PTCH1: variants seen among roughly 807,000 people sequenced by gnomAD.
PTCH1 encodes protein patched homolog 1.
Under a neutral mutation model 144.6 loss-of-function variants are expected in PTCH1, and 14 were observed. The observed-to-expected ratio is 0.10, with a 90% CI of 0.06 to 0.15. The LOEUF (loss-of-function observed/expected upper bound fraction) is 0.15, where lower values mean the gene tolerates loss of function less well. Ranked by LOEUF, PTCH1 falls within the 10% of genes least tolerant of loss-of-function variation. PTCH1 has a pLI of 1.00. For missense variants in PTCH1, 1,623 were observed against 1,948.3 expected (o/e 0.83, Z 3.14); for synonymous variants, 833 against 793.6 (o/e 1.05, Z -0.83).
At position 95,476,049 on chromosome 9, in the gene PTCH1, C is replaced by T. The variant is rs762575636; in HGVS notation, c.1713G>A (p.Arg571=). The change falls in exon 12 of 24, where the codon CGG becomes CGA. Residue 571 remains arginine, a synonymous_variant. Transcript: ENST00000331920. This position sits in a 1 kb window ranked among gnomAD's most constrained non-coding sequence, Gnocchi z 4.6. ...AGAAGCTCACCTGGAGGGAGAACGC[C>T]CGCAGAGCGGGAATTGGGATTAACG... ...MAALIPIPAL[R]AFSLQAAVVV... 2 of 1,613,840 alleles carry T rather than the reference C, an allele frequency of 1.2e-6. No individual in the cohort carries two copies. Among genetic ancestry groups the T allele is most frequent in the Admixed American group, 3.3e-5 (2 of 60,000 alleles).
chr9:95,456,191 T>C (rs1838906120), intron 19 of PTCH1, 85 bp downstream of exon 19: 2 of 1,462,290 alleles, frequency 1.4e-6, no homozygotes, highest in South Asian at 1.2e-5. Context: ...ACAGGGAGAA[T>C]GCAAGGTTCC....
chr9:95,451,197 A>G (rs1838430479), intron 20 of PTCH1: 8 of 152,226 alleles, frequency 5.3e-5, no homozygotes, highest in Admixed American at 5.2e-4. Context: ...CAAGCAGCCA[A>G]TGTCTTGGTC....
upstream of PTCH1, among the ~76,000 whole-genome samples, chr9:95,511,240 TC>T (rs1844144397): frequency 6.6e-6 from 1 of 150,450 alleles, no homozygotes; most frequent in South Asian, 2.1e-4. Context: ...CCTTCCTTCC[TC>T]CCCGGCGGTT....
At chr9:95,514,621 G>GGGGT (rs373411451) in intron 1 of PTCH1, 8 of 148,564 alleles carry the variant, frequency 5.4e-5, no homozygotes, top group African/African-American at 1.8e-4. Context: ...GAAAATAAAA[G>GGGGT]GTGTGTGTGT....
chr9:95,486,347 G>T (rs1841964515), intron 2 of PTCH1, among the ~76,000 whole-genome samples: 1 of 152,260 alleles, frequency 6.6e-6, no homozygotes, highest in African/African-American at 2.4e-5. Context: ...AACAAGGAAA[G>T]GTGGCCAGTG....
At chr9:95,507,708 C>A in intron 1 of PTCH1, 1 of 182,162 alleles carries the variant, frequency 5.5e-6, no homozygotes, top group Non-Finnish European at 1.1e-5. Context: ...TCTCTCCACT[C>A]CGCCTCCCCC....
rs1840121669 is a variant in PTCH1, at chr9:95,467,493, C to T, written c.2251-68G>A. The T allele has an allele frequency of 3.3e-6, 5 of 1,509,276 alleles. No homozygotes were observed. The South Asian group carries it at 3.5e-5, about 10-fold the overall frequency. 93.5% of individuals were successfully genotyped at this position (1,509,276 alleles called of 1,614,324 possible). A position where few individuals can be genotyped will look rare whatever the true frequency, so the allele number is the denominator to read the frequency against. On this transcript the variant is annotated intron_variant, in intron 14 of 23. Transcript: ENST00000331920. ...CTGACTCTTCCTGGACAAAGAGAAG[C>T]TGTCTAGTTAATACCTTGTTTTCAC...
At chr9:95,493,367 G>T (rs1842562401) in intron 2 of PTCH1, among the ~76,000 whole-genome samples, 1 of 152,204 alleles carries the variant, frequency 6.6e-6, no homozygotes, top group East Asian at 1.9e-4. Flanking sequence ...TTCAAGTCCT[G>T]CCCATGCACC....
chr9:95,480,460 A>C lies in PTCH1; in HGVS notation c.875T>G (p.Met292Arg), dbSNP rs748727674. The C allele has an allele frequency of 6.2e-7, 1 of 1,612,186 alleles. No homozygotes were observed. Residue 292 changes from methionine to arginine, a missense_variant, in exon 6 of 24, where the codon ATG (methionine) becomes AGG (arginine). Transcript: ENST00000331920. ...GGCCGGATTGAGGCAGGGGCGGTCC[A>C]TGTAACCATGACCAACCTCAGCCTT... ...LNKAEVGHGY[M>R]DRPCLNPADP...
At chr9:95,495,617 T>G (rs1032291110) in intron 2 of PTCH1, among the ~76,000 whole-genome samples, 1 of 152,024 alleles carries the variant, frequency 6.6e-6, no homozygotes, top group African/African-American at 2.4e-5. Flanking sequence ...CCTTATATTT[T>G]GTTCAAGGCT....
chr9:95,506,281 C>T lies in PTCH1; in HGVS notation c.394+126G>A, dbSNP rs913892719. 1.9e-5 allele frequency: 21 copies of T among 1,126,890 alleles called. No individual in the cohort carries two copies. In the African/African-American group the frequency reaches 2.8e-4, roughly 15 times the overall value. The allele number at this position is 1,126,890 out of a possible 1,614,324, so 69.8% of individuals were successfully genotyped here. On this transcript the variant is annotated intron_variant, in intron 2 of 23. Coordinates refer to ENST00000331920, the MANE Select transcript of PTCH1 (RefSeq NM_000264.5). ...GCCAGGCGCCCAAACAATAAACAAT[C>T]CCCCGGGTGCGGGCAGGGGGTTTCG...
In PTCH1 at chr9:95,476,752, G is replaced by A. The variant is rs920792441; in HGVS notation, c.1602+7C>T. ...CCCAAAGCTCTCTTCTTTTGTTTTT[G>A]CATTACCTCAAAAGGGATTCTTTTA... On this transcript the variant is annotated splice_region_variant and intron_variant, in intron 11 of 23. Transcript: ENST00000331920. The surrounding 1 kb of genome is among the most constrained non-coding windows in gnomAD (Gnocchi z 4.6). The A allele has an allele frequency of 6.2e-7, 1 of 1,611,476 alleles. No homozygotes were observed.
intron 13 of PTCH1, among the ~76,000 whole-genome samples, chr9:95,469,423 A>G (rs528377629): frequency 6.6e-6 from 1 of 152,326 alleles, no homozygotes; most frequent in South Asian, 2.1e-4. Flanking sequence ...CATGATGATG[A>G]ATCCTTCAAA....
In PTCH1 at chr9:95,508,695, C is replaced by T; in HGVS notation, c.-334G>A. On this transcript the variant is annotated 5_prime_UTR_variant, in exon 1 of 24. Coordinates refer to ENST00000331920, the MANE Select transcript of PTCH1 (RefSeq NM_000264.5). ...GCGAGAGCCGGCGCGCCGAGCGAGC[C>T]TGTCCTTCGGGCGCTTCCGCGGCAC... 2.0e-6 allele frequency: 2 copies of T among 987,178 alleles called. No homozygotes were observed. Among genetic ancestry groups the T allele is most frequent in the Non-Finnish European group, 2.4e-6 (2 of 831,288 alleles). 61.2% of individuals were successfully genotyped at this position (987,178 alleles called of 1,614,324 possible).
intron 12 of PTCH1, among the ~76,000 whole-genome samples, chr9:95,471,046 G>A (rs1840523784): frequency 6.6e-6 from 1 of 151,430 alleles, no homozygotes; most frequent in Non-Finnish European, 1.5e-5. Context: ...TTGCACCACT[G>A]CACTCCAGCC....
chr9:95,510,792 A>T (rs1844110823), upstream of PTCH1, among the ~76,000 whole-genome samples: 1 of 151,002 alleles, frequency 6.6e-6, no homozygotes, highest in Non-Finnish European at 1.5e-5. Flanking sequence ...GGAAAGGGGG[A>T]GGAGCAGGGA....
chr9:95,461,576 C>T (rs1839463683), intron 16 of PTCH1, among the ~76,000 whole-genome samples: 1 of 152,242 alleles, frequency 6.6e-6, no homozygotes, highest in South Asian at 2.1e-4. Flanking sequence ...AGAGCCTGCA[C>T]TCTCTTGGCT....
chr9:95,450,313 G>A (rs1028249115), intron 20 of PTCH1: 7 of 331,870 alleles, frequency 2.1e-5, no homozygotes, highest in Middle Eastern at 1.0e-3. Context: ...ACACAATGCC[G>A]AGGGGCCCCG....
intron 12 of PTCH1, among the ~76,000 whole-genome samples, chr9:95,471,760 C>A (rs1840604968): frequency 6.6e-6 from 1 of 152,166 alleles, no homozygotes; most frequent in African/African-American, 2.4e-5. Flanking sequence ...AAAAAGAGGG[C>A]CGGGCACAGT....
Sources: allele counts gnomAD v4.1 joint callset (sites outside exome capture counted in the v4.1 genomes callset), GRCh38; gene constraint gnomAD v4.1.1; non-coding constraint Gnocchi (gnomAD v3.1); transcripts MANE v1.5; gene names NCBI Gene and HGNC (gene_info 2026-07-23, HGNC 2026-07-21).